CSMD1: variants seen among roughly 807,000 people sequenced by gnomAD.
CSMD1 encodes the protein CUB and sushi domain-containing protein 1.
Under a neutral mutation model 417.5 loss-of-function variants are expected in CSMD1, and 213 were observed. The ratio of observed to expected loss-of-function variants is 0.51; its 90% CI spans 0.46 to 0.57. The LOEUF (loss-of-function observed/expected upper bound fraction) is 0.57, where lower values mean the gene tolerates loss of function less well. Ranked by LOEUF, CSMD1 falls within the 20% of genes least tolerant of loss-of-function variation. CSMD1 has a pLI of 0.00. For synonymous variants in CSMD1, 2,862 were observed against 1,736.8 expected (o/e 1.65, Z -16.11); for missense variants, 6,923 against 4,529.7 (o/e 1.53, Z -15.17).
intron 1 of CSMD1, among the ~76,000 whole-genome samples, chr8:4,640,813 A>G (rs1803142212): frequency 6.6e-6 from 1 of 150,700 alleles, no homozygotes; most frequent in African/African-American, 2.4e-5. Context: ...GTAATGTTTT[A>G]GTTAAAATTA....
At chr8:3,459,364 C>T (rs746405234) in intron 12 of CSMD1, among the ~76,000 whole-genome samples, 28 of 152,114 alleles carry the variant, frequency 1.8e-4, no homozygotes, top group Admixed American at 1.0e-3. Context: ...CGTAATATGA[C>T]GGGAATCGCA....
chr8:4,077,015 T>G (rs996671793), intron 3 of CSMD1, among the ~76,000 whole-genome samples: 1 of 152,086 alleles, frequency 6.6e-6, no homozygotes, highest in African/African-American at 2.4e-5. Context: ...GTAAGAAAAA[T>G]TGCAACTCTA....
Position 3,326,540 on chromosome 8 carries a change from C to G in CSMD1, c.3631+16754G>C, listed in dbSNP as rs1317816717. ...TTGGCCCCAAGTGCCTTATGTTTTA[C>G]AGTTGTTACACATTTGTTTTCAAGC... On this transcript the variant is annotated intron_variant, in intron 23 of 69. Coordinates refer to ENST00000635120, the MANE Select transcript of CSMD1 (RefSeq NM_033225.6). 3.3e-5 allele frequency among the ~76,000 whole-genome samples: 5 copies of G among 152,326 alleles called. No individual in the cohort carries two copies. The East Asian group carries it at 5.8e-4, about 18-fold the overall frequency.
chr8:4,526,689 A>C (rs1796529315), intron 2 of CSMD1, among the ~76,000 whole-genome samples: 1 of 152,130 alleles, frequency 6.6e-6, no homozygotes, highest in Non-Finnish European at 1.5e-5. Context: ...AAAACCAGAA[A>C]CGTAGGGTTA....
rs73657530 is a variant in CSMD1 at position 2,961,331 on chromosome 8, C to T, written c.9629-117G>A. On this transcript the variant is annotated intron_variant, in intron 61 of 69. Transcript: ENST00000635120. ...AGAAAATATTGTTTTGAGAAATGTG[C>T]AAGATGTTTTTCAGGAAAGTTAAAA... 4,569 of 484,118 alleles carry T rather than the reference C, an allele frequency of 9.4e-3. 154 individuals carry two copies. The highest frequency in any genetic ancestry group is 0.079 in the African/African-American group (3,981 of 50,536). 30.0% of individuals were successfully genotyped at this position (484,118 alleles called of 1,614,324 possible).
At chr8:3,048,456 G>A (rs1237540016) in intron 50 of CSMD1, among the ~76,000 whole-genome samples, 1 of 152,058 alleles carries the variant, frequency 6.6e-6, no homozygotes, top group South Asian at 2.1e-4. Flanking sequence ...TGAACTTCGA[G>A]CAGAAGAGCA....
intron 4 of CSMD1, among the ~76,000 whole-genome samples, chr8:4,011,644 C>G (rs1161550973): frequency 6.6e-6 from 1 of 152,136 alleles, no homozygotes; most frequent in East Asian, 1.9e-4. Context: ...TCCTTGAATT[C>G]TTTTCATTCC....
At chr8:3,711,387 A>G (rs1801501816) in intron 6 of CSMD1, among the ~76,000 whole-genome samples, 1 of 152,146 alleles carries the variant, frequency 6.6e-6, no homozygotes, top group African/African-American at 2.4e-5. Context: ...GTTCATCTTC[A>G]GCCCGTTTCA....
At chr8:4,432,914 G>C (rs73512778) in intron 2 of CSMD1, among the ~76,000 whole-genome samples, 54 of 152,306 alleles carry the variant, frequency 3.5e-4, no homozygotes, top group African/African-American at 1.3e-3. Context: ...AGAAGCCAGA[G>C]AGGCTGTGTT....
intron 1 of CSMD1, among the ~76,000 whole-genome samples, chr8:4,820,702 C>G (rs977699582): frequency 6.6e-6 from 1 of 152,290 alleles, no homozygotes; most frequent in East Asian, 1.9e-4. Context: ...CTTAACAAGG[C>G]TGCATAGCTC....
chr8:3,411,177 T>G (rs750298018), intron 12 of CSMD1, among the ~76,000 whole-genome samples: 44 of 152,166 alleles, frequency 2.9e-4, no homozygotes, highest in Non-Finnish European at 1.9e-4. Context: ...TCTGCAACTT[T>G]GGAAGAGCAG....
intron 4 of CSMD1, among the ~76,000 whole-genome samples, chr8:4,008,435 G>A (rs533689598): frequency 6.6e-6 from 1 of 151,488 alleles, no homozygotes; most frequent in East Asian, 1.9e-4. Flanking sequence ...TTTGGAATCT[G>A]AAATTTGGTG....
chr8:3,071,787 T>C (rs1813341011), intron 49 of CSMD1, among the ~76,000 whole-genome samples: 1 of 152,190 alleles, frequency 6.6e-6, no homozygotes, highest in Non-Finnish European at 1.5e-5. Flanking sequence ...CTCTACTCCA[T>C]GGATTCATTG....
rs150417237 is a variant in CSMD1 at position 2,954,173 on chromosome 8, G to A, written c.10039+51C>T. Reference sequence around the variant, plus strand: ...AAATAGTTTCACTGTGCAGAGTAGAGAACAAATCACTTTATTGGATTGAAA... The same window carrying A: ...AAATAGTTTCACTGTGCAGAGTAGAAAACAAATCACTTTATTGGATTGAAA... On this transcript the variant is annotated intron_variant, in intron 65 of 69. Coordinates refer to ENST00000635120, the MANE Select transcript of CSMD1 (RefSeq NM_033225.6). The A allele has an allele frequency of 3.6e-4, 389 of 1,076,570 alleles. 2 individuals carry two copies. In the African/African-American group the frequency reaches 5.8e-3, roughly 16 times the overall value. 66.7% of individuals were successfully genotyped at this position (1,076,570 alleles called of 1,614,324 possible). A position where few individuals can be genotyped will look rare whatever the true frequency, so the allele number is the denominator to read the frequency against.
intron 12 of CSMD1, among the ~76,000 whole-genome samples, chr8:3,440,902 C>T (rs1252269776): frequency 2.6e-5 from 4 of 152,230 alleles, no homozygotes; most frequent in African/African-American, 9.6e-5. Flanking sequence ...CCCCCGATAA[C>T]GACATGTCCA....
At position 4,694,616 on chromosome 8, in the gene CSMD1, G is replaced by C. The variant is rs1806997657; in HGVS notation, c.86-57058C>G. ...CTGACCTCATGACCTGCCCACCTCAGCCTTCCAAAGTACTAGGATTACAGC... is the reference window on the plus strand; with the variant it reads ...CTGACCTCATGACCTGCCCACCTCACCCTTCCAAAGTACTAGGATTACAGC... On this transcript the variant is annotated intron_variant, in intron 1 of 69. Transcript: ENST00000635120. Among the ~76,000 whole-genome samples, 4 of 151,968 alleles carry C rather than the reference G, an allele frequency of 2.6e-5. No homozygotes were observed. In the South Asian group the frequency reaches 6.2e-4, roughly 24 times the overall value.
At chr8:4,147,340 G>T (rs114495212) in intron 3 of CSMD1, among the ~76,000 whole-genome samples, 1 of 151,992 alleles carries the variant, frequency 6.6e-6, no homozygotes, top group South Asian at 2.1e-4. Flanking sequence ...TGTCTATTGC[G>T]CCCCACCCTT....
At chr8:3,168,524 C>T (rs1365076743) in intron 37 of CSMD1, among the ~76,000 whole-genome samples, 1 of 151,996 alleles carries the variant, frequency 6.6e-6, no homozygotes, top group African/African-American at 2.4e-5. Flanking sequence ...GTGAGCCTGA[C>T]AATGGAGGAA....
intron 1 of CSMD1, among the ~76,000 whole-genome samples, chr8:4,918,627 T>C (rs4598265): frequency 0.36 from 54,832 of 152,140 alleles, 11,048 homozygotes; most frequent in Non-Finnish European, 0.46. Context: ...ATCACGTTAC[T>C]TCAGATTGAT....
Sources: allele counts gnomAD v4.1 joint callset (sites outside exome capture counted in the v4.1 genomes callset), GRCh38; gene constraint gnomAD v4.1.1; transcripts MANE v1.5; gene names NCBI Gene and HGNC (gene_info 2026-07-23, HGNC 2026-07-21).